Variants in TIAM1 observed in about 807,000 individuals in gnomAD.
TIAM1 encodes the protein TIAM Rac1 associated GEF 1.
Under a neutral mutation model 163.5 loss-of-function variants are expected in TIAM1, and 65 were observed. That is an observed-to-expected ratio of 0.40 (90% confidence interval 0.33 to 0.49). TIAM1 has a LOEUF of 0.49. TIAM1 is among the 20% of genes least tolerant of loss of function. The pLI, the probability that TIAM1 is intolerant of heterozygous loss-of-function variation, is 0.77. For missense variants in TIAM1, 1,789 were observed against 2,044.7 expected (o/e 0.87, Z 2.41); for synonymous variants, 833 against 810.1 (o/e 1.03, Z -0.48).
chr21:31,405,925 C>T (rs1244373511), intron 2 of TIAM1, among the ~76,000 whole-genome samples: 1 of 152,162 alleles, frequency 6.6e-6, no homozygotes, highest in African/African-American at 2.4e-5. Flanking sequence ...CCACAAAACT[C>T]ACCTCCACCT....
At chr21:31,309,550 A>G (rs1284824136) in intron 2 of TIAM1, among the ~76,000 whole-genome samples, 1 of 152,240 alleles carries the variant, frequency 6.6e-6, no homozygotes, top group Admixed American at 6.5e-5. Context: ...TGGGAAAAAA[A>G]TCTTTCAGCA....
chr21:31,550,057 G>A (rs997285846), intron 1 of TIAM1, among the ~76,000 whole-genome samples: 3 of 152,122 alleles, frequency 2.0e-5, no homozygotes, highest in East Asian at 1.9e-4. Context: ...CTGGGAGGTG[G>A]AGGCTACAGT....
chr21:31,426,253 T>C (rs997557201), intron 2 of TIAM1, among the ~76,000 whole-genome samples: 2 of 152,158 alleles, frequency 1.3e-5, no homozygotes, highest in Non-Finnish European at 2.9e-5. Flanking sequence ...TTTAACACTT[T>C]GAGTAGCTGG....
intron 1 of TIAM1, among the ~76,000 whole-genome samples, chr21:31,519,014 G>A (rs1035270083): frequency 1.3e-5 from 2 of 152,050 alleles, no homozygotes; most frequent in Admixed American, 1.3e-4. Context: ...GGCCAACATG[G>A]TGAAACCCCG....
intron 16 of TIAM1, among the ~76,000 whole-genome samples, chr21:31,164,525 A>G (rs1265592712): frequency 6.6e-6 from 1 of 152,228 alleles, no homozygotes; most frequent in East Asian, 1.9e-4. Context: ...TCCCTTTAAC[A>G]TAAAAGTTGC....
Position 31,120,391 on chromosome 21 carries a change from T to C in TIAM1, c.4753A>G (p.Arg1585Gly). Residue 1585 changes from arginine to glycine, a missense_variant, in exon 28 of 28, where the codon AGG becomes GGG. This residue lies in a region of TIAM1 where 415 missense variants were observed against 439.2 expected (regional missense o/e 0.94). Transcript: ENST00000541036. The surrounding 1 kb of genome is among the most constrained non-coding windows in gnomAD (Gnocchi z 4.2). ...WVRREDFAPS[R>G]KLNTEI is the part of the protein sequence containing the mutation. Reference sequence around the variant, plus strand: ...AGTCAGATCTCAGTGTTCAGTTTCCTGGAGGGGGCAAAGTCTTCACGCCTA... The same window carrying C: ...AGTCAGATCTCAGTGTTCAGTTTCCCGGAGGGGGCAAAGTCTTCACGCCTA... 1 of 1,611,214 alleles carries C rather than the reference T, an allele frequency of 6.2e-7. No individual in the cohort carries two copies. The highest frequency in any genetic ancestry group is 1.7e-5 in the Admixed American group (1 of 59,854).
Position 31,251,747 on chromosome 21 carries a change from AG to A in TIAM1, c.1405del (p.Leu469Ter). ...RRKWKHYWVS[L>X]KGCTLFFYES... ...CGGGGCCCTCCCGCTCTCACCTTTC[AG>A]GGACACCCAGTAGTGCTTCCACTTC... On this transcript the variant is annotated frameshift_variant, in exon 5 of 28. Transcript: ENST00000541036. LOFTEE classifies it high-confidence loss of function. 6.3e-7 allele frequency: 1 copy of A among 1,584,522 alleles called. No individual in the cohort carries two copies. Among genetic ancestry groups the A allele is most frequent in the Non-Finnish European group, 8.6e-7 (1 of 1,161,436 alleles).
chr21:31,162,718 T>A (rs2083990506), intron 16 of TIAM1, among the ~76,000 whole-genome samples: 1 of 151,750 alleles, frequency 6.6e-6, no homozygotes, highest in African/African-American at 2.4e-5. Context: ...CTTGACTCAC[T>A]GCAACCTCTG....
intron 2 of TIAM1, among the ~76,000 whole-genome samples, chr21:31,435,891 T>C (rs539417974): frequency 3.3e-5 from 5 of 152,332 alleles, no homozygotes; most frequent in African/African-American, 1.2e-4. Flanking sequence ...TGTGATGCTT[T>C]GCATCAGGGC....
At chr21:31,305,750 A>C (rs2074684325) in intron 2 of TIAM1, among the ~76,000 whole-genome samples, 1 of 152,258 alleles carries the variant, frequency 6.6e-6, no homozygotes, top group African/African-American at 2.4e-5. Flanking sequence ...ATGAATTCTA[A>C]ACAGGCCTCA....
chr21:31,469,453 T>C (rs2045657711), intron 1 of TIAM1, among the ~76,000 whole-genome samples: 1 of 152,032 alleles, frequency 6.6e-6, no homozygotes, highest in African/African-American at 2.4e-5. Context: ...CTCTCTTCTG[T>C]CACCTGTGAG....
intron 13 of TIAM1, among the ~76,000 whole-genome samples, chr21:31,188,156 G>A (rs1370366596): frequency 6.6e-6 from 1 of 152,032 alleles, no homozygotes; most frequent in Non-Finnish European, 1.5e-5. Flanking sequence ...TTTTTGTTTA[G>A]TTTACAGGAC....
At chr21:31,546,556 A>AAAAGAAAGAAAGAAAGAAAGAAAGCAAG (rs2048498006) in intron 1 of TIAM1, among the ~76,000 whole-genome samples, 1 of 143,308 alleles carries the variant, frequency 7.0e-6, no homozygotes, top group Non-Finnish European at 1.5e-5. Context: ...TCTCAAAAAA[A>AAAAGAAAGAAAGAAAGAAAGAAAGCAAG]AAAGAAAGAA....
chr21:31,385,319 T>G (rs758134450), intron 2 of TIAM1, among the ~76,000 whole-genome samples: 1 of 152,196 alleles, frequency 6.6e-6, no homozygotes, highest in Non-Finnish European at 1.5e-5. Context: ...TAGATAGATA[T>G]AGATTTTTAA....
At chr21:31,356,256 C>T (rs929065807) in intron 2 of TIAM1, among the ~76,000 whole-genome samples, 43 of 152,204 alleles carry the variant, frequency 2.8e-4, no homozygotes, top group African/African-American at 1.0e-3. Context: ...CTTATACATT[C>T]ACTAAGGATG....
chr21:31,438,555 G>A (rs2044302745), intron 2 of TIAM1, among the ~76,000 whole-genome samples: 1 of 152,120 alleles, frequency 6.6e-6, no homozygotes, highest in Non-Finnish European at 1.5e-5. Flanking sequence ...GCACTGGAGA[G>A]AATGAAAAGA....
intron 1 of TIAM1, among the ~76,000 whole-genome samples, chr21:31,522,410 T>C (rs1057182321): frequency 6.0e-5 from 9 of 151,244 alleles, no homozygotes; most frequent in African/African-American, 2.2e-4. Context: ...CTCAGTAGGC[T>C]GAGGCAGGAG....
intron 2 of TIAM1, among the ~76,000 whole-genome samples, chr21:31,283,234 A>C (rs1005748084): frequency 1.3e-5 from 2 of 152,170 alleles, no homozygotes; most frequent in African/African-American, 4.8e-5. Flanking sequence ...TCACCTTGCA[A>C]CTACACCTTT....
chr21:31,556,535 G>GA (rs560073824), intron 1 of TIAM1, among the ~76,000 whole-genome samples: 1 of 148,884 alleles, frequency 6.7e-6, no homozygotes. Flanking sequence ...AAAACAGGAA[G>GA]TTTTTTTTTT....
Sources: allele counts gnomAD v4.1 joint callset (sites outside exome capture counted in the v4.1 genomes callset), GRCh38; gene constraint gnomAD v4.1.1; regional missense constraint gnomAD v4.1.1; non-coding constraint Gnocchi (gnomAD v3.1); transcripts MANE v1.5; gene names NCBI Gene and HGNC (gene_info 2026-07-23, HGNC 2026-07-21).